The following VPS13B variants were observed in gnomAD, a reference collection of about 807,000 sequenced individuals.
The protein encoded by VPS13B is vacuolar protein sorting 13 homolog B.
VPS13B carries 285 observed loss-of-function variants against 426.4 expected under a neutral mutation model. The observed-to-expected ratio is 0.67, with a 90% confidence interval of 0.61 to 0.74. The LOEUF is 0.74. Ranked by LOEUF, VPS13B falls within the 30% of genes least tolerant of loss-of-function variation. The pLI is 0.00. For synonymous variants in VPS13B, 1,676 were observed against 1,676.4 expected, an observed-to-expected ratio of 1.00 and a Z score of 0.01; for missense variants, 4,537 against 4,782.6, an observed-to-expected ratio of 0.95 and a Z score of 1.51.
chr8:99,292,012 T>C (rs1294393628), intron 19 of VPS13B, among the ~76,000 whole-genome samples: 1 of 152,132 alleles, frequency 6.6e-6, no homozygotes, highest in Non-Finnish European at 1.5e-5. Flanking sequence ...TTGTAGAATA[T>C]AAGATTGGAT....
Position 99,477,504 on chromosome 8 carries a change from A to G in VPS13B, c.3667-4095A>G, listed in dbSNP as rs539059171. ...TTGCATACTGAGGTATACTGTCAGAAGGTTTGTGAGCTTTTGACTGTAGCC... is the reference window on the plus strand; with the variant it reads ...TTGCATACTGAGGTATACTGTCAGAGGGTTTGTGAGCTTTTGACTGTAGCC... On this transcript the variant is annotated intron_variant, in intron 24 of 61. Transcript: ENST00000357162. 3.9e-5 allele frequency among the ~76,000 whole-genome samples: 6 copies of G among 152,330 alleles called. No homozygotes were observed. The South Asian group carries it at 1.2e-3, about 32-fold the overall frequency.
chr8:99,257,512 G>A (rs1817810078), intron 17 of VPS13B, among the ~76,000 whole-genome samples: 1 of 152,080 alleles, frequency 6.6e-6, no homozygotes, highest in Non-Finnish European at 1.5e-5. Context: ...ATTCCAGTGT[G>A]TTCTTTACCA....
intron 3 of VPS13B, among the ~76,000 whole-genome samples, chr8:99,081,823 C>G (rs537681671): frequency 6.7e-4 from 102 of 151,974 alleles, no homozygotes; most frequent in African/African-American, 2.3e-3. Context: ...AGTATTCCAT[C>G]GTGTATATGT....
chr8:99,649,975 C>T (rs1458183898), intron 34 of VPS13B, among the ~76,000 whole-genome samples: 1 of 152,138 alleles, frequency 6.6e-6, no homozygotes, highest in Non-Finnish European at 1.5e-5. Flanking sequence ...TCAGAATTCT[C>T]AGGTATTTAT....
chr8:99,079,568 T>C (rs991458412), intron 3 of VPS13B, among the ~76,000 whole-genome samples: 10 of 152,128 alleles, frequency 6.6e-5, no homozygotes, highest in African/African-American at 2.4e-4. Flanking sequence ...CTACTATGAA[T>C]TTTTTTTATT....
intron 3 of VPS13B, among the ~76,000 whole-genome samples, chr8:99,086,938 C>G (rs958395681): frequency 1.3e-5 from 2 of 152,300 alleles, no homozygotes; most frequent in Middle Eastern, 6.8e-3. Flanking sequence ...TGTCGGTTCT[C>G]AGATCTGCAG....
rs764434483 is a variant in VPS13B at position 99,717,415 on chromosome 8, T to C, written c.6657+42T>C. 6.5e-6 allele frequency: 10 copies of C among 1,527,644 alleles called. No homozygotes were observed. In the East Asian group the frequency reaches 2.0e-4, roughly 31 times the overall value. 94.6% of individuals were successfully genotyped at this position (1,527,644 alleles called of 1,614,324 possible). On this transcript the variant is annotated intron_variant, in intron 37 of 61. Coordinates refer to ENST00000357162, the MANE Select transcript of VPS13B (RefSeq NM_152564.5). The stretch of plus-strand genomic sequence containing the variant: ...CATATTTTTTTCATAGGTTATTAAC[T>C]AGCCTCTGTTCATTTTTTGAACTGT...
intron 3 of VPS13B, among the ~76,000 whole-genome samples, chr8:99,053,052 A>T (rs1397762553): frequency 6.6e-6 from 1 of 151,524 alleles, no homozygotes; most frequent in Non-Finnish European, 1.5e-5. Context: ...CTCTGATCTT[A>T]GTTATTTCTT....
chr8:99,266,577 G>A (rs1040828430), intron 17 of VPS13B, among the ~76,000 whole-genome samples: 2 of 152,094 alleles, frequency 1.3e-5, no homozygotes, highest in East Asian at 1.9e-4. Flanking sequence ...CACATGTCAC[G>A]GGAGATACCT....
At chr8:99,526,431 T>C (rs990174418) in intron 30 of VPS13B, among the ~76,000 whole-genome samples, 4 of 152,186 alleles carry the variant, frequency 2.6e-5, no homozygotes, top group African/African-American at 9.6e-5. Context: ...GAAAAGCTAT[T>C]GCTGTAATCT....
chr8:99,095,581 T>C (rs972797576), intron 3 of VPS13B, among the ~76,000 whole-genome samples: 2 of 152,190 alleles, frequency 1.3e-5, no homozygotes, highest in African/African-American at 4.8e-5. Context: ...GTTCGATAGA[T>C]TCTGAAGTCC....
chr8:99,760,894 G>A (rs893338116), intron 39 of VPS13B, among the ~76,000 whole-genome samples: 3 of 152,142 alleles, frequency 2.0e-5, no homozygotes, highest in Non-Finnish European at 4.4e-5. Flanking sequence ...GAGGAATCTG[G>A]AGATGATTTA....
intron 22 of VPS13B, among the ~76,000 whole-genome samples, chr8:99,441,620 T>G (rs527819753): frequency 6.6e-6 from 1 of 152,272 alleles, no homozygotes; most frequent in African/African-American, 2.4e-5. Context: ...GCTTCTGAAT[T>G]AAGAAGTCAC....
In VPS13B at chr8:99,640,016, TAATAATAATAAG is replaced by T. The variant is rs1326331073; in HGVS notation, c.5221-1792_5221-1781del. On this transcript the variant is annotated intron_variant, in intron 33 of 61. Coordinates refer to ENST00000357162, the MANE Select transcript of VPS13B (RefSeq NM_152564.5). Reference sequence around the variant, plus strand: ...ATAATAATAATAATAATAATAATAATAATAATAATAAGAAGAAGAAGAAGAAGAAGAAGAGAA... The same window carrying T: ...ATAATAATAATAATAATAATAATAATAAGAAGAAGAAGAAGAAGAAGAGAA... Among the ~76,000 whole-genome samples the T allele has an allele frequency of 7.9e-4, 57 of 72,498 alleles. 1 individual carries two copies. The highest frequency in any genetic ancestry group is 6.3e-3 in the East Asian group (13 of 2,074). The allele number at this position is 72,498 out of a possible 152,430, so 47.6% of individuals were successfully genotyped here. A position where few individuals can be genotyped will look rare whatever the true frequency, so the allele number is the denominator to read the frequency against.
At chr8:99,470,017 G>T (rs890361505) in intron 24 of VPS13B, among the ~76,000 whole-genome samples, 1 of 152,146 alleles carries the variant, frequency 6.6e-6, no homozygotes, top group East Asian at 1.9e-4. Flanking sequence ...CTCAGAGGTT[G>T]CATGGCCCTA....
At chr8:99,232,121 G>T (rs1363492816) in intron 17 of VPS13B, among the ~76,000 whole-genome samples, 1 of 152,066 alleles carries the variant, frequency 6.6e-6, no homozygotes, top group African/African-American at 2.4e-5. Context: ...GGGGGCGAGG[G>T]TGGTGTTGCG....
chr8:99,045,796 A>G (rs1201761281), intron 3 of VPS13B, among the ~76,000 whole-genome samples: 3 of 152,090 alleles, frequency 2.0e-5, no homozygotes, highest in Non-Finnish European at 4.4e-5. Flanking sequence ...CATTTGTTGG[A>G]TAGGGTGTCC....
At chr8:99,759,063 T>C (rs1418824842) in intron 39 of VPS13B, among the ~76,000 whole-genome samples, 2 of 152,106 alleles carry the variant, frequency 1.3e-5, no homozygotes, top group African/African-American at 4.8e-5. Context: ...GTTGTTGCCA[T>C]CTACTAACTT....
At chr8:99,859,192 T>C in intron 56 of VPS13B, 112 bp from the exon 57 acceptor site, 3 of 1,313,490 alleles carry the variant, frequency 2.3e-6, no homozygotes, top group Non-Finnish European at 3.3e-6. Context: ...CAGATTACTT[T>C]CCCAATTCTA....
Sources: gnomAD v4.1 joint callset for allele counts (sites outside exome capture counted in the v4.1 genomes callset) on GRCh38, gnomAD v4.1.1 for gene constraint, MANE v1.5 for transcripts, NCBI Gene and HGNC (gene_info 2026-07-23, HGNC 2026-07-21) for gene names.